The following CSMD1 variants were observed in gnomAD, a reference collection of about 807,000 sequenced individuals.
CSMD1 encodes the protein CUB and Sushi multiple domains 1.
CSMD1 carries 213 observed loss-of-function variants against 417.5 expected under a neutral mutation model. The observed-to-expected ratio is 0.51, with a 90% CI of 0.46 to 0.57. The LOEUF (loss-of-function observed/expected upper bound fraction) is 0.57, where lower values mean the gene tolerates loss of function less well. Among genes scored for constraint, CSMD1 ranks in the 20% least tolerant of loss-of-function variants. The pLI is 0.00. For missense variants in CSMD1, 6,923 were observed against 4,529.7 expected, an observed-to-expected ratio of 1.53 and a Z score of -15.17; for synonymous variants, 2,862 against 1,736.8, an observed-to-expected ratio of 1.65 and a Z score of -16.11.
chr8:3,829,709 T>C (rs1233351502), intron 5 of CSMD1, among the ~76,000 whole-genome samples: 1 of 152,198 alleles, frequency 6.6e-6, no homozygotes, highest in Non-Finnish European at 1.5e-5. Context: ...TGGTTGAAAA[T>C]CAGCTTTCTT....
At chr8:4,546,735 C>T (rs1400271375) in intron 2 of CSMD1, among the ~76,000 whole-genome samples, 1 of 151,876 alleles carries the variant, frequency 6.6e-6, no homozygotes, top group Non-Finnish European at 1.5e-5. Flanking sequence ...AGTCAATTCC[C>T]ATAATAAATA....
chr8:3,343,915 C>T lies in CSMD1; in HGVS notation c.3475-465G>A, dbSNP rs537415813. ...TCTGTCTGAATGCACTAAAGGACAA[C>T]AAGATGTGCCGGAATCTTGTCACAT... On this transcript the variant is annotated intron_variant, in intron 22 of 69. Transcript: ENST00000635120. Among the ~76,000 whole-genome samples, 12 of 152,302 alleles carry T rather than the reference C, an allele frequency of 7.9e-5. 1 individual carries two copies. In the South Asian group the frequency reaches 2.5e-3, roughly 32 times the overall value.
chr8:4,534,670 T>C (rs1176789946), intron 2 of CSMD1, among the ~76,000 whole-genome samples: 2 of 152,194 alleles, frequency 1.3e-5, no homozygotes, highest in East Asian at 3.9e-4. Context: ...TTCCCAGTTA[T>C]AAGTGAGAAC....
intron 52 of CSMD1, among the ~76,000 whole-genome samples, chr8:3,012,947 C>A (rs1487032223): frequency 6.6e-6 from 1 of 152,094 alleles, no homozygotes; most frequent in Non-Finnish European, 1.5e-5. Flanking sequence ...CTCACAAGAT[C>A]CAATGGTCTC....
At chr8:4,817,648 ATCAATGGTATTAC>A (rs1799283392) in intron 1 of CSMD1, among the ~76,000 whole-genome samples, 1 of 152,234 alleles carries the variant, frequency 6.6e-6, no homozygotes, top group Non-Finnish European at 1.5e-5. Context: ...CATGCATAAA[ATCAATGGTATTAC>A]AGGGCAGATG....
chr8:4,112,354 G>A (rs1432009053), intron 3 of CSMD1, among the ~76,000 whole-genome samples: 1 of 152,172 alleles, frequency 6.6e-6, no homozygotes, highest in Non-Finnish European at 1.5e-5. Flanking sequence ...TGAGGCTAGG[G>A]CTCCATCGCA....
intron 17 of CSMD1, among the ~76,000 whole-genome samples, chr8:3,393,049 T>A (rs899661741): frequency 6.6e-6 from 1 of 152,196 alleles, no homozygotes; most frequent in African/African-American, 2.4e-5. Context: ...TACATTTCCA[T>A]ATGTCTCTTC....
At chr8:4,324,783 G>T (rs1210803554) in intron 3 of CSMD1, among the ~76,000 whole-genome samples, 2 of 152,304 alleles carry the variant, frequency 1.3e-5, no homozygotes, top group Non-Finnish European at 2.9e-5. Flanking sequence ...CATCGAAAGT[G>T]TGTTTACCTA....
intron 3 of CSMD1, among the ~76,000 whole-genome samples, chr8:4,042,188 G>C (rs1563354580): frequency 6.6e-6 from 1 of 152,146 alleles, no homozygotes. Flanking sequence ...AGTTCAGTAA[G>C]TGTAAAATGC....
rs191550724 is a variant in CSMD1, at chr8:4,143,596, T to A, written c.416-111497A>T. Among the ~76,000 whole-genome samples the A allele has an allele frequency of 6.0e-5, 9 of 151,176 alleles. No individual in the cohort carries two copies. The South Asian group carries it at 1.9e-3, about 31-fold the overall frequency. ...CACAGTTGTCAACCCCTTTAACTAG[T>A]TGTGATGCCCATGGCACTCTGAGGG... On this transcript the variant is annotated intron_variant, in intron 3 of 69. Transcript: ENST00000635120.
Position 3,308,504 on chromosome 8 carries a change from C to G in CSMD1, c.3632-1G>C, listed in dbSNP as rs370939500. 6.2e-7 allele frequency: 1 copy of G among 1,608,426 alleles called. No individual in the cohort carries two copies. The highest frequency in any genetic ancestry group is 8.5e-7 in the Non-Finnish European group (1 of 1,176,020). On this transcript the variant is annotated splice_acceptor_variant, in intron 23 of 69. Transcript: ENST00000635120. LOFTEE classifies it high-confidence loss of function. ...TCCTCACATTTTACCAGATCAAAAC[C>G]TGCAAGAGAGAAAGGCAAGGAATGA...
intron 5 of CSMD1, among the ~76,000 whole-genome samples, chr8:3,949,477 T>C (rs544152609): frequency 6.6e-6 from 1 of 152,250 alleles, no homozygotes; most frequent in Admixed American, 6.5e-5. Context: ...GCACCAATAC[T>C]ATATAAATTA....
intron 3 of CSMD1, among the ~76,000 whole-genome samples, chr8:4,304,114 T>A (rs1434132878): frequency 1.3e-5 from 2 of 152,154 alleles, no homozygotes; most frequent in Non-Finnish European, 2.9e-5. Context: ...AATTAACCAC[T>A]GTTATTTAGG....
chr8:4,145,498 C>G (rs1804057615), intron 3 of CSMD1, among the ~76,000 whole-genome samples: 1 of 151,022 alleles, frequency 6.6e-6, no homozygotes, highest in South Asian at 2.1e-4. Context: ...CATGTGAGCC[C>G]TGTCACCCTC....
chr8:4,647,574 C>T (rs1262407361), intron 1 of CSMD1, among the ~76,000 whole-genome samples: 1 of 152,100 alleles, frequency 6.6e-6, no homozygotes, highest in African/African-American at 2.4e-5. Flanking sequence ...TCATCCCCCA[C>T]CCCCCAATAT....
At chr8:4,777,087 C>G (rs995246789) in intron 1 of CSMD1, among the ~76,000 whole-genome samples, 1 of 152,178 alleles carries the variant, frequency 6.6e-6, no homozygotes, top group Non-Finnish European at 1.5e-5. Context: ...TTATTTAGAT[C>G]AGTCCTTGGT....
At chr8:3,158,764 G>C (rs1056002067) in intron 38 of CSMD1, among the ~76,000 whole-genome samples, 1 of 151,812 alleles carries the variant, frequency 6.6e-6, no homozygotes, top group Non-Finnish European at 1.5e-5. Context: ...TTTCCTGATC[G>C]TGACTCGGTG....
intron 1 of CSMD1, among the ~76,000 whole-genome samples, chr8:4,772,165 A>C (rs1303475679): frequency 6.6e-6 from 1 of 151,954 alleles, no homozygotes; most frequent in Non-Finnish European, 1.5e-5. Context: ...GGTAGGGATG[A>C]AGTCCTGTTT....
intron 3 of CSMD1, among the ~76,000 whole-genome samples, chr8:4,298,409 A>G (rs1164258285): frequency 1.3e-5 from 2 of 152,172 alleles, no homozygotes; most frequent in African/African-American, 4.8e-5. Context: ...ATACCATACT[A>G]GACACTAGAC....
Sources: gnomAD v4.1 joint callset for allele counts (sites outside exome capture counted in the v4.1 genomes callset) on GRCh38, gnomAD v4.1.1 for gene constraint, MANE v1.5 for transcripts, NCBI Gene and HGNC (gene_info 2026-07-23, HGNC 2026-07-21) for gene names.